The following MAGED1 variants were observed in gnomAD, a reference collection of about 807,000 sequenced individuals.
MAGED1 encodes the protein MAGE family member D1, also known as melanoma-associated antigen D1.
Under a neutral mutation model 54.1 loss-of-function variants are expected in MAGED1, and 3 were observed. The ratio of observed to expected loss-of-function variants is 0.06; its 90% CI spans 0.03 to 0.14. MAGED1 has a LOEUF of 0.14. Ranked by LOEUF, MAGED1 falls within the 10% of genes least tolerant of loss-of-function variation. MAGED1 has a pLI of 1.00. For synonymous variants in MAGED1, 217 were observed against 227.3 expected (o/e 0.95, Z 0.41); for missense variants, 485 against 623.4 (o/e 0.78, Z 2.36).
chrX:51,893,244 A>G (rs1928516681), upstream of MAGED1, among the ~76,000 whole-genome samples: 1 of 110,424 alleles, frequency 9.1e-6, no homozygotes, highest in Non-Finnish European at 1.9e-5. Flanking sequence ...AGCATGCTGG[A>G]CAAGGGGGTG....
rs781832915 is a variant in MAGED1, at chrX:51,811,847, G to T, written c.-37+8730G>T. On this transcript the variant is annotated intron_variant, in intron 1 of 12. Transcript: ENST00000375772. Reference sequence around the variant, plus strand: ...ACGTCAGATGTGATGGGAGAGCAGTGGGGGGAAGATAGATTGCAAGCCTTA... The same window carrying T: ...ACGTCAGATGTGATGGGAGAGCAGTTGGGGGAAGATAGATTGCAAGCCTTA... 3.6e-5 allele frequency among the ~76,000 whole-genome samples: 4 copies of T among 111,393 alleles called. 1 individual carries two copies. The South Asian group carries it at 1.1e-3, about 32-fold the overall frequency.
intron 1 of MAGED1, among the ~76,000 whole-genome samples, chrX:51,804,850 A>G (rs1199518683): frequency 1.8e-5 from 2 of 112,043 alleles, no homozygotes; most frequent in African/African-American, 6.5e-5. Flanking sequence ...AACTGAGGGC[A>G]CACACTATGC....
intron 2 of MAGED1, chrX:51,894,686 C>A: frequency 1.7e-6 from 2 of 1,178,783 alleles, no homozygotes; most frequent in Non-Finnish European, 2.3e-6. Flanking sequence ...CCTCCACCCT[C>A]CCTCTTTCTG....
chrX:51,896,886 C>T lies in MAGED1; in HGVS notation c.1231C>T (p.Pro411Ser). ...TGACTGGCCGCTACCACCCGACTGGCCACTGCCACCTGATTGGCCACTTCC... is the reference window on the plus strand; with the variant it reads ...TGACTGGCCGCTACCACCCGACTGGTCACTGCCACCTGATTGGCCACTTCC... The part of the protein sequence containing the change: ...PPDWPLPPDW[P>S]LPPDWPLPTD... Residue 411 changes from proline (P) to serine (S), a missense_variant, in exon 4 of 13, where the codon CCA becomes TCA. Transcript: ENST00000326587. 1 of 1,205,766 alleles carries T rather than the reference C, an allele frequency of 8.3e-7. No individual in the cohort carries two copies. Among genetic ancestry groups the T allele is most frequent in the East Asian group, 3.0e-5 (1 of 33,424 alleles).
Position 51,803,278 on chromosome X carries a change from T to C in MAGED1, c.-37+161T>C, listed in dbSNP as rs1163167209. ...ACGCCTGTGGTTCTGATCGCCTCGC[T>C]ATCTCCTCCCTTCTCCTCCGGAGAT... On this transcript the variant is annotated intron_variant, in intron 1 of 12. Coordinates refer to the MAGED1 transcript ENST00000375772. Among the ~76,000 whole-genome samples the C allele has an allele frequency of 3.6e-5, 4 of 111,059 alleles. 1 individual carries two copies. The East Asian group carries it at 1.1e-3, about 32-fold the overall frequency.
At chrX:51,814,346 A>G (rs1487374921) in intron 1 of MAGED1, among the ~76,000 whole-genome samples, 2 of 111,233 alleles carry the variant, frequency 1.8e-5, no homozygotes, top group African/African-American at 6.6e-5. Flanking sequence ...TTCTGTTGCA[A>G]CAAAGATCCT....
At chrX:51,840,667 G>T (rs1372419056) in intron 1 of MAGED1, among the ~76,000 whole-genome samples, 1 of 106,618 alleles carries the variant, frequency 9.4e-6, no homozygotes, top group Admixed American at 1.0e-4. Flanking sequence ...TCCCACCTAT[G>T]AGTGAGAACA....
intron 1 of MAGED1, among the ~76,000 whole-genome samples, chrX:51,821,949 G>A (rs1454701625): frequency 1.8e-5 from 2 of 111,705 alleles, no homozygotes; most frequent in African/African-American, 6.5e-5. Flanking sequence ...ATGGTGTGGA[G>A]TTCTTTTTAA....
At chrX:51,849,305 A>T (rs939271756) in intron 1 of MAGED1, among the ~76,000 whole-genome samples, 7 of 111,098 alleles carry the variant, frequency 6.3e-5, no homozygotes, top group African/African-American at 2.3e-4. Context: ...TAGCTTTATA[A>T]TGCATCTTAA....
At chrX:51,852,983 T>C (rs1926950752) in intron 1 of MAGED1, among the ~76,000 whole-genome samples, 1 of 112,015 alleles carries the variant, frequency 8.9e-6, no homozygotes, top group African/African-American at 3.2e-5. Context: ...AAGCCCTGAC[T>C]ACTGCTTGAT....
intron 1 of MAGED1, among the ~76,000 whole-genome samples, chrX:51,827,469 T>G (rs1235111357): frequency 8.9e-6 from 1 of 111,844 alleles, no homozygotes; most frequent in Non-Finnish European, 1.9e-5. Context: ...TGGATACATG[T>G]GTTTATACAT....
Position 51,834,117 on chromosome X carries a change from C to T in MAGED1, c.-37+31000C>T, listed in dbSNP as rs905919080. 3.6e-5 allele frequency among the ~76,000 whole-genome samples: 4 copies of T among 111,821 alleles called. No individual in the cohort carries two copies. The Admixed American group carries it at 3.8e-4, about 11-fold the overall frequency. On this transcript the variant is annotated intron_variant, in intron 1 of 12. Transcript: ENST00000375772. ...CTCATTGATGAATGTAAAACTCATG[C>T]ATCTATTTATAATCCCGTATAAAAT...
At chrX:51,876,747 G>A (rs1557362035) in intron 1 of MAGED1, among the ~76,000 whole-genome samples, 1 of 110,645 alleles carries the variant, frequency 9.0e-6, no homozygotes, top group African/African-American at 3.3e-5. Context: ...AGAATGTGGA[G>A]GCACTGGGTA....
chrX:51,861,223 CATTTT>C (rs1353241275), intron 1 of MAGED1, among the ~76,000 whole-genome samples: 1 of 111,448 alleles, frequency 9.0e-6, no homozygotes, highest in Non-Finnish European at 1.9e-5. Context: ...AATTAAAAGA[CATTTT>C]ATTTTGAATT....
chrX:51,833,894 A>G (rs188779254), intron 1 of MAGED1, among the ~76,000 whole-genome samples: 12 of 109,596 alleles, frequency 1.1e-4, no homozygotes, highest in African/African-American at 3.6e-4. Context: ...ATCACATCCT[A>G]CTCCTTTCCC....
At chrX:51,882,482 A>G (rs983193873) in intron 1 of MAGED1, among the ~76,000 whole-genome samples, 1 of 110,378 alleles carries the variant, frequency 9.1e-6, no homozygotes, top group Non-Finnish European at 1.9e-5. Flanking sequence ...AAGATGATGT[A>G]TTCTCTAGGG....
intron 1 of MAGED1, among the ~76,000 whole-genome samples, chrX:51,850,051 C>T (rs1421706579): frequency 9.0e-6 from 1 of 110,630 alleles, no homozygotes; most frequent in African/African-American, 3.3e-5. Flanking sequence ...CCCTGCCTAG[C>T]TGGGACTACA....
chrX:51,807,074 A>G (rs1557355179), intron 1 of MAGED1, among the ~76,000 whole-genome samples: 3 of 111,913 alleles, frequency 2.7e-5, no homozygotes. Flanking sequence ...GGCCTGAGCC[A>G]CTGCACCTGG....
chrX:51,871,862 A>C (rs1927687510), intron 1 of MAGED1, among the ~76,000 whole-genome samples: 1 of 111,906 alleles, frequency 8.9e-6, no homozygotes, highest in Non-Finnish European at 1.9e-5. Flanking sequence ...CGACTTCTAC[A>C]GTGGTTGAAC....
Sources: gnomAD v4.1 joint callset for allele counts (sites outside exome capture counted in the v4.1 genomes callset) on GRCh38, gnomAD v4.1.1 for gene constraint, MANE v1.5 for transcripts, NCBI Gene and HGNC (gene_info 2026-07-23, HGNC 2026-07-21) for gene names.